Variants in TCF25 observed in about 807,000 individuals in gnomAD.
TCF25 encodes the protein ribosome quality control complex subunit TCF25.
In TCF25, 41 loss-of-function variants were observed where a neutral mutation model predicts 83.1. The observed-to-expected ratio is 0.49, with a 90% CI of 0.38 to 0.64. TCF25 has a LOEUF of 0.64. TCF25 is among the 30% of genes least tolerant of loss of function. The pLI, the probability that TCF25 is intolerant of heterozygous loss-of-function variation, is 0.00. For missense variants in TCF25, 979 were observed against 914.5 expected (o/e 1.07, Z -0.91); for synonymous variants, 458 against 365.0 (o/e 1.25, Z -2.90).
At chr16:89,886,295 C>T (rs549790262) in intron 4 of TCF25, among the ~76,000 whole-genome samples, 4 of 152,052 alleles carry the variant, frequency 2.6e-5, no homozygotes, top group Admixed American at 1.3e-4. Context: ...GGCGTGGTAG[C>T]GGGCGCCTTA....
At chr16:89,896,549 ATTTTTT>A (rs869089266) in intron 9 of TCF25, among the ~76,000 whole-genome samples, 1 of 112,400 alleles carries the variant, frequency 8.9e-6, no homozygotes. Flanking sequence ...TCAAAACAGC[ATTTTTT>A]TTTTTTTTTT....
intron 16 of TCF25, among the ~76,000 whole-genome samples, chr16:89,908,528 CCTCCCAG>C (rs796939864): frequency 2.1e-4 from 27 of 130,002 alleles, no homozygotes; most frequent in East Asian, 1.0e-3. Context: ...CCAGCTCCCA[CCTCCCAG>C]CTCCCTCCTC....
chr16:89,886,769 GA>G (rs923762808), intron 4 of TCF25, among the ~76,000 whole-genome samples: 68 of 146,328 alleles, frequency 4.6e-4, no homozygotes, highest in African/African-American at 1.2e-3. Context: ...TCAAAAAAAA[GA>G]AAAAAAAAAT....
intron 1 of TCF25, chr16:89,874,788 C>CT (rs1455056973): frequency 7.0e-6 from 1 of 142,738 alleles, no homozygotes; most frequent in Non-Finnish European, 1.5e-5. Context: ...TTTTTTTTTT[C>CT]TTTTTTGTAG....
rs1450057060 is a variant in TCF25, at chr16:89,901,090, C to A, written c.1381+296C>A. 12 of 289,088 alleles carry A rather than the reference C, an allele frequency of 4.2e-5. No homozygotes were observed. The East Asian group carries it at 6.8e-4, about 16-fold the overall frequency. 17.9% of individuals were successfully genotyped at this position (289,088 alleles called of 1,614,324 possible). A position where few individuals can be genotyped will look rare whatever the true frequency, so the allele number is the denominator to read the frequency against. On this transcript the variant is annotated intron_variant, in intron 12 of 17. Coordinates refer to ENST00000263346, the MANE Select transcript of TCF25 (RefSeq NM_014972.3). ...GGGAGGTGCGGGGCATTGGATTGTA[C>A]CAGTGCTGGGGAGGAGAGCAAAGCA...
chr16:89,898,673 C>G, intron 10 of TCF25, 24 bp downstream of exon 10: 3 of 1,612,148 alleles, frequency 1.9e-6, no homozygotes, highest in Non-Finnish European at 2.5e-6. Context: ...CAGGGCCAAG[C>G]CCGTCCACGC....
intron 1 of TCF25, chr16:89,878,693 T>G (rs1285117352): frequency 9.7e-7 from 1 of 1,030,524 alleles, no homozygotes; most frequent in East Asian, 9.8e-5. Flanking sequence ...CAGGCTGGAG[T>G]GCAGTGGCAC....
chr16:89,873,878 CGGGTGG>C lies in TCF25; in HGVS notation c.192+28_192+33del. On this transcript the variant is annotated intron_variant, in intron 1 of 17. Coordinates refer to ENST00000263346, the MANE Select transcript of TCF25 (RefSeq NM_014972.3). ...CGAGCTGGTGAGGAGCGCGGCGGCC[CGGGTGG>C]GGGTGGGGTGGCCCTTGACGTTGTG... 1 of 385,938 alleles carries C rather than the reference CGGGTGG, an allele frequency of 2.6e-6. No homozygotes were observed. The highest frequency in any genetic ancestry group is 3.9e-5 in the South Asian group (1 of 25,966). 23.9% of individuals were successfully genotyped at this position (385,938 alleles called of 1,614,324 possible). A position where few individuals can be genotyped will look rare whatever the true frequency, so the allele number is the denominator to read the frequency against.
chr16:89,888,375 T>A (rs775164197), intron 5 of TCF25, among the ~76,000 whole-genome samples: 105 of 151,684 alleles, frequency 6.9e-4, no homozygotes, highest in Non-Finnish European at 1.3e-3. Context: ...ATCACCTGAG[T>A]TCACGAGTTC....
chr16:89,883,423 G>A lies in TCF25; in HGVS notation c.265G>A (p.Val89Met). 6.2e-7 allele frequency: 1 copy of A among 1,614,124 alleles called. No homozygotes were observed. The highest frequency in any genetic ancestry group is 8.5e-7 in the Non-Finnish European group (1 of 1,180,036). The change falls in exon 2 of 18, where the codon GTG becomes ATG. Residue 89 changes from valine (V) to methionine (M), a missense_variant. Transcript: ENST00000263346. ...GTCTGGCTGTGCGCTCACAGACGCTGTGGCACCAGGGAACAAAGGAAGGGG... is the reference window on the plus strand; with the variant it reads ...GTCTGGCTGTGCGCTCACAGACGCTATGGCACCAGGGAACAAAGGAAGGGG... ...ERSGCALTDA[V>M]APGNKGRGQR...
intron 3 of TCF25, among the ~76,000 whole-genome samples, chr16:89,885,092 C>G (rs916099730): frequency 9.8e-5 from 14 of 143,338 alleles, no homozygotes; most frequent in South Asian, 2.4e-4. Context: ...CGCCCTCTCC[C>G]TCTGCCTGAC....
Position 89,900,792 on chromosome 16 carries a change from G to C in TCF25, c.1379G>C (p.Gly460Ala), listed in dbSNP as rs1309171897. The C allele has an allele frequency of 2.5e-6, 4 of 1,571,370 alleles. No individual in the cohort carries two copies. Among genetic ancestry groups the C allele is most frequent in the Non-Finnish European group, 3.5e-6 (4 of 1,145,710 alleles). The change falls in exon 12 of 18, where the codon GGA becomes GCA. Residue 460 changes from glycine to alanine, a missense_variant and splice_region_variant. Gly to Ala is a moderately conservative substitution (Grantham distance 60, BLOSUM62 0). Coordinates refer to ENST00000263346, the MANE Select transcript of TCF25 (RefSeq NM_014972.3). Reference sequence around the variant, plus strand: ...CAGCAGGCGCTCACCATGTTCCCTGGAGGTGAGTGAGCGCTGTGTCTCGCC... The same window carrying C: ...CAGCAGGCGCTCACCATGTTCCCTGCAGGTGAGTGAGCGCTGTGTCTCGCC... ...LIQQALTMFP[G>A]VLLPLLESCS...
chr16:89,877,686 C>G (rs559382892), intron 1 of TCF25, among the ~76,000 whole-genome samples: 1 of 152,056 alleles, frequency 6.6e-6, no homozygotes, highest in African/African-American at 2.4e-5. Flanking sequence ...TGGAGAGAAT[C>G]GGTGAGACCG....
chr16:89,885,131 C>CCTCTGCCTG (rs2042910056), intron 3 of TCF25, among the ~76,000 whole-genome samples: 1 of 152,162 alleles, frequency 6.6e-6, no homozygotes. Flanking sequence ...ACGCTCTCTC[C>CCTCTGCCTG]ATTCTCTTCT....
chr16:89,910,390 A>G (rs573085449), intron 16 of TCF25: 1 of 604,014 alleles, frequency 1.7e-6, no homozygotes, highest in African/African-American at 1.9e-5. Context: ...CGCTGTCCAC[A>G]GCCCCACCCT....
At chr16:89,903,536 T>C (rs953296024) in intron 12 of TCF25, among the ~76,000 whole-genome samples, 2 of 152,050 alleles carry the variant, frequency 1.3e-5, no homozygotes, top group African/African-American at 4.8e-5. Context: ...CCGGGTGTGG[T>C]GGCGGACGCC....
At chr16:89,904,727 C>A in intron 13 of TCF25, 1 of 703,318 alleles carries the variant, frequency 1.4e-6, no homozygotes, top group Non-Finnish European at 2.6e-6. Flanking sequence ...GTCCTGCTTC[C>A]TAAAGAACAT....
chr16:89,893,727 G>T lies in TCF25; in HGVS notation c.698-1G>T. ...CCTCCCTGAGCACTCTCCCCTCCCA[G>T]GTCTGTCCATGCGGCTGCTGGAATC... is the stretch of plus-strand genomic sequence containing the variant. On this transcript the variant is annotated splice_acceptor_variant, in intron 6 of 17. Transcript: ENST00000263346. LOFTEE classifies it high-confidence loss of function. 1 of 1,613,766 alleles carries T rather than the reference G, an allele frequency of 6.2e-7. No individual in the cohort carries two copies.
chr16:89,882,524 G>A (rs1431772490), intron 1 of TCF25, among the ~76,000 whole-genome samples: 3 of 151,660 alleles, frequency 2.0e-5, no homozygotes, highest in African/African-American at 4.8e-5. Flanking sequence ...ATGACAGAGC[G>A]AGACTCTGTC....
Sources: allele counts gnomAD v4.1 joint callset (sites outside exome capture counted in the v4.1 genomes callset), GRCh38; gene constraint gnomAD v4.1.1; transcripts MANE v1.5; gene names NCBI Gene and HGNC (gene_info 2026-07-23, HGNC 2026-07-21).